The following ADGRL2 variants were observed in gnomAD, a reference collection of about 807,000 sequenced individuals.
ADGRL2 encodes calcium-independent alpha-latrotoxin receptor 2.
ADGRL2 carries 44 observed loss-of-function variants against 157.4 expected under a neutral mutation model. The ratio of observed to expected loss-of-function variants is 0.28; its 90% CI spans 0.22 to 0.36. The LOEUF (loss-of-function observed/expected upper bound fraction) is 0.36. ADGRL2 is among the 10% of genes least tolerant of loss of function. The pLI is 1.00. For synonymous variants in ADGRL2, 585 were observed against 624.7 expected, an observed-to-expected ratio of 0.94 and a Z score of 0.95; for missense variants, 1,510 against 1,768.9, an observed-to-expected ratio of 0.85 and a Z score of 2.63.
Position 81,505,183 on chromosome 1 carries a change from C to T in ADGRL2, c.-248+60094C>T, listed in dbSNP as rs114359649. 647 of 512,110 alleles carry T rather than the reference C, an allele frequency of 1.3e-3. 4 individuals are homozygous for T. Among genetic ancestry groups the T allele is most frequent in the African/African-American group, 0.013 (582 of 46,098 alleles). The allele number at this position is 512,110 out of a possible 1,614,324, so 31.7% of individuals were successfully genotyped here. A position where few individuals can be genotyped will look rare whatever the true frequency, so the allele number is the denominator to read the frequency against. On this transcript the variant is annotated intron_variant, in intron 2 of 24. Transcript: ENST00000370721. ...GCGTCTTCTCTCAGCCCTCCACACA[C>T]GCTCACCCCCACTCCCACACACACA...
intron 3 of ADGRL2, among the ~76,000 whole-genome samples, chr1:81,920,166 C>T (rs979963783): frequency 6.6e-5 from 10 of 152,068 alleles, no homozygotes; most frequent in Non-Finnish European, 1.5e-4. Context: ...AATAGTAATG[C>T]GGTTTCCTAT....
chr1:81,398,865 A>G (rs905943360), intron 1 of ADGRL2, among the ~76,000 whole-genome samples: 3 of 152,176 alleles, frequency 2.0e-5, no homozygotes, highest in Admixed American at 1.3e-4. Context: ...CAACTTGACT[A>G]TAATATGCCT....
At chr1:81,610,229 GTTTT>G (rs10657640) in intron 3 of ADGRL2, among the ~76,000 whole-genome samples, 1 of 127,392 alleles carries the variant, frequency 7.8e-6, no homozygotes. Flanking sequence ...TGGCTTGGAG[GTTTT>G]TTTTTTTTTT....
chr1:81,546,095 C>A lies in ADGRL2; in HGVS notation c.-247-34781C>A, dbSNP rs937856786. 3.9e-5 allele frequency among the ~76,000 whole-genome samples: 6 copies of A among 152,004 alleles called. No homozygotes were observed. In the East Asian group the frequency reaches 1.2e-3, roughly 29 times the overall value. On this transcript the variant is annotated intron_variant, in intron 2 of 24. Coordinates refer to the ADGRL2 transcript ENST00000370721. Reference sequence around the variant, plus strand: ...TGTTTCCTGCTTTAACAATTTATATCCCGTCCACCACTACCACCATCACCA... The same window carrying A: ...TGTTTCCTGCTTTAACAATTTATATACCGTCCACCACTACCACCATCACCA...
rs146059658 is a variant in ADGRL2 at position 81,783,053 on chromosome 1, C to G, written c.-101+21201C>G. On this transcript the variant is annotated intron_variant, in intron 2 of 20. Transcript: ENST00000359929. ...TTCTCTTTGTGTGGCTCTTAGAAAG[C>G]TTAAAGGCAAATTAAGGGCTTATGT... Among the ~76,000 whole-genome samples, 24 of 152,288 alleles carry G rather than the reference C, an allele frequency of 1.6e-4. No individual in the cohort carries two copies. In the East Asian group the frequency reaches 4.4e-3, roughly 28 times the overall value.
At chr1:81,542,314 A>C (rs2079905095) in intron 2 of ADGRL2, among the ~76,000 whole-genome samples, 1 of 152,212 alleles carries the variant, frequency 6.6e-6, no homozygotes, top group Non-Finnish European at 1.5e-5. Flanking sequence ...CGTGGCCATT[A>C]CCATTCCCAG....
intron 2 of ADGRL2, among the ~76,000 whole-genome samples, chr1:81,522,113 C>A (rs536792131): frequency 6.6e-6 from 1 of 151,776 alleles, no homozygotes; most frequent in Non-Finnish European, 1.5e-5. Context: ...TACAGGCGCA[C>A]ACCACTGTAC....
intron 3 of ADGRL2, among the ~76,000 whole-genome samples, chr1:81,683,300 T>G (rs745993672): frequency 9.8e-5 from 15 of 152,342 alleles, no homozygotes; most frequent in Non-Finnish European, 1.8e-4. Context: ...TTTCAAATAC[T>G]ATTTTTTTTC....
chr1:81,416,020 T>C (rs1232009967), intron 1 of ADGRL2, among the ~76,000 whole-genome samples: 1 of 151,956 alleles, frequency 6.6e-6, no homozygotes, highest in Non-Finnish European at 1.5e-5. Context: ...TTTTGTATTT[T>C]TAGTAGAGAC....
chr1:81,867,536 T>A (rs114666896), intron 2 of ADGRL2, among the ~76,000 whole-genome samples: 2,742 of 152,320 alleles, frequency 0.018, 78 homozygotes, highest in African/African-American at 0.062. Context: ...TTTATATTTC[T>A]GTACTTGAAA....
chr1:81,874,572 G>C (rs2093779164), intron 2 of ADGRL2, among the ~76,000 whole-genome samples: 1 of 151,860 alleles, frequency 6.6e-6, no homozygotes, highest in South Asian at 2.1e-4. Flanking sequence ...TTCCTGATCT[G>C]AGTTTTCTTT....
chr1:81,674,681 T>G (rs1258691405), intron 3 of ADGRL2, among the ~76,000 whole-genome samples: 3 of 152,192 alleles, frequency 2.0e-5, no homozygotes, highest in African/African-American at 7.2e-5. Flanking sequence ...CAATTCTGAA[T>G]GCAGTTTCTT....
At chr1:81,891,877 G>GAAATTATTA (rs1357817187) in intron 2 of ADGRL2, among the ~76,000 whole-genome samples, 2 of 151,954 alleles carry the variant, frequency 1.3e-5, no homozygotes, top group African/African-American at 4.8e-5. Flanking sequence ...TTCTAACACT[G>GAAATTATTA]AAATTATTAA....
intron 6 of ADGRL2, among the ~76,000 whole-genome samples, chr1:81,944,119 G>T (rs575389407): frequency 1.3e-5 from 2 of 151,974 alleles, no homozygotes; most frequent in East Asian, 3.9e-4. Flanking sequence ...TTAACTTCTT[G>T]GCGCCAGTGG....
At chr1:81,393,906 T>C (rs2076606260) in intron 1 of ADGRL2, among the ~76,000 whole-genome samples, 1 of 151,490 alleles carries the variant, frequency 6.6e-6, no homozygotes, top group Non-Finnish European at 1.5e-5. Context: ...ATTAACATAC[T>C]CATTATAGAA....
chr1:81,401,187 G>T (rs2076747823), intron 1 of ADGRL2, among the ~76,000 whole-genome samples: 1 of 152,116 alleles, frequency 6.6e-6, no homozygotes. Context: ...GCTCTGGGTG[G>T]CCATAGTATT....
At chr1:81,618,043 A>T (rs1384943101) in intron 3 of ADGRL2, among the ~76,000 whole-genome samples, 1 of 150,824 alleles carries the variant, frequency 6.6e-6, no homozygotes, top group Non-Finnish European at 1.5e-5. Flanking sequence ...AAAAAACTTT[A>T]TTGTTAAAGG....
chr1:81,480,488 T>A (rs2078362037), intron 2 of ADGRL2, among the ~76,000 whole-genome samples: 1 of 152,206 alleles, frequency 6.6e-6, no homozygotes, highest in African/African-American at 2.4e-5. Context: ...TATTTCACAT[T>A]ATAAGTTTTA....
intron 2 of ADGRL2, among the ~76,000 whole-genome samples, chr1:81,785,442 T>C (rs1236513895): frequency 2.6e-5 from 4 of 152,058 alleles, no homozygotes; most frequent in Non-Finnish European, 4.4e-5. Flanking sequence ...AACTAGCATG[T>C]TTAGGCCAGG....
Sources: allele counts gnomAD v4.1 joint callset (sites outside exome capture counted in the v4.1 genomes callset), GRCh38; gene constraint gnomAD v4.1.1; transcripts MANE v1.5; gene names NCBI Gene and HGNC (gene_info 2026-07-23, HGNC 2026-07-21).